Variants in NDST3 observed in about 807,000 individuals in gnomAD.
The protein encoded by NDST3 is N-deacetylase and N-sulfotransferase 3, also known as bifunctional heparan sulfate N-deacetylase/N-sulfotransferase 3.
NDST3 carries 58 observed loss-of-function variants against 96.1 expected under a neutral mutation model. The ratio of observed to expected loss-of-function variants is 0.60; its 90% CI spans 0.49 to 0.75. The LOEUF (loss-of-function observed/expected upper bound fraction) is 0.75, where lower values mean the gene tolerates loss of function less well. Among genes scored for constraint, NDST3 ranks in the 30% least tolerant of loss-of-function variants. The pLI is 0.00. For synonymous variants in NDST3, 333 were observed against 359.7 expected, an observed-to-expected ratio of 0.93 and a Z score of 0.84; for missense variants, 788 against 1,034.2, an observed-to-expected ratio of 0.76 and a Z score of 3.27.
chr4:118,043,241 G>A (rs559969072), intron 1 of NDST3, among the ~76,000 whole-genome samples: 2 of 152,296 alleles, frequency 1.3e-5, no homozygotes, highest in South Asian at 4.1e-4. Context: ...ATAGTTATTT[G>A]TAACTTCAAA....
At chr4:118,155,095 T>C (rs1354645446) in intron 6 of NDST3, among the ~76,000 whole-genome samples, 1 of 152,230 alleles carries the variant, frequency 6.6e-6, no homozygotes, top group Non-Finnish European at 1.5e-5. Context: ...ACTTATAAAA[T>C]GGTAAGACTT....
chr4:118,165,068 G>A (rs1158765572), intron 6 of NDST3, among the ~76,000 whole-genome samples: 2 of 152,048 alleles, frequency 1.3e-5, no homozygotes, highest in Non-Finnish European at 2.9e-5. Flanking sequence ...GTAATAGTAA[G>A]TGCTTCCCTA....
chr4:118,175,846 T>C (rs1024241847), intron 6 of NDST3, among the ~76,000 whole-genome samples: 3 of 152,134 alleles, frequency 2.0e-5, no homozygotes, highest in Non-Finnish European at 1.5e-5. Context: ...GAGAAGAGAC[T>C]TTATGTAAAT....
intron 6 of NDST3, among the ~76,000 whole-genome samples, chr4:118,183,347 C>G (rs1358447740): frequency 5.9e-5 from 9 of 152,112 alleles, no homozygotes; most frequent in Admixed American, 3.3e-4. Context: ...GGTTTCCAGC[C>G]CTTCTCTTCT....
At chr4:118,050,915 C>T (rs954503885) in intron 1 of NDST3, among the ~76,000 whole-genome samples, 5 of 152,118 alleles carry the variant, frequency 3.3e-5, no homozygotes, top group African/African-American at 1.2e-4. Flanking sequence ...ATAGCCAAAG[C>T]AATTCTAAGC....
intron 6 of NDST3, among the ~76,000 whole-genome samples, chr4:118,145,604 C>A (rs1024935114): frequency 6.6e-6 from 1 of 152,122 alleles, no homozygotes; most frequent in South Asian, 2.1e-4. Context: ...TTATGTTAAT[C>A]TTGGACACTA....
At chr4:118,162,944 A>G (rs1213569213) in intron 6 of NDST3, among the ~76,000 whole-genome samples, 1 of 148,852 alleles carries the variant, frequency 6.7e-6, no homozygotes, top group Non-Finnish European at 1.5e-5. Flanking sequence ...GGCAAAGGAC[A>G]TGAACAGACA....
intron 8 of NDST3, 76 bp from the exon 9 acceptor site, chr4:118,232,936 T>C: frequency 3.7e-6 from 5 of 1,357,180 alleles, no homozygotes; most frequent in Non-Finnish European, 5.1e-6. Flanking sequence ...TAATATTTAT[T>C]CATGACTTTA....
intron 6 of NDST3, chr4:118,193,519 T>G (rs975488890): frequency 2.1e-5 from 20 of 969,378 alleles, no homozygotes; most frequent in African/African-American, 8.0e-5. Flanking sequence ...CCTTGTTCTC[T>G]TCCTCAGCCA....
intron 2 of NDST3, among the ~76,000 whole-genome samples, chr4:118,059,585 T>C (rs1000247600): frequency 2.6e-5 from 4 of 152,038 alleles, no homozygotes; most frequent in Admixed American, 1.3e-4. Flanking sequence ...TGTGGGAAGC[T>C]CTAATTGGAA....
intron 2 of NDST3, among the ~76,000 whole-genome samples, chr4:118,098,661 C>T (rs891187545): frequency 2.0e-5 from 3 of 152,042 alleles, no homozygotes; most frequent in African/African-American, 7.2e-5. Context: ...TAACTCTTTT[C>T]TCTGCTTTCA....
chr4:118,174,419 A>G (rs1420590719), intron 6 of NDST3, among the ~76,000 whole-genome samples: 1 of 152,194 alleles, frequency 6.6e-6, no homozygotes, highest in East Asian at 1.9e-4. Flanking sequence ...AAGAGAAATC[A>G]GATCTGATGA....
intron 7 of NDST3, among the ~76,000 whole-genome samples, chr4:118,226,365 T>C (rs987078447): frequency 1.3e-5 from 2 of 152,142 alleles, no homozygotes; most frequent in Admixed American, 6.6e-5. Flanking sequence ...AAAGTTACAT[T>C]TTTAGATATA....
At chr4:118,236,993 C>A in intron 9 of NDST3, 53 bp from the exon 10 acceptor site, 1 of 1,354,638 alleles carries the variant, frequency 7.4e-7, no homozygotes, top group Non-Finnish European at 9.9e-7. Context: ...TCTTTGGTCA[C>A]CAGAATGAGT....
intron 6 of NDST3, among the ~76,000 whole-genome samples, chr4:118,220,901 T>C (rs1189892216): frequency 3.3e-5 from 5 of 152,088 alleles, no homozygotes; most frequent in African/African-American, 1.2e-4. Context: ...TTTGATAACC[T>C]GAGTTAGATC....
At position 118,208,721 on chromosome 4, in the gene NDST3, G is replaced by A. The variant is rs1229652168; in HGVS notation, c.1540-15770G>A. On this transcript the variant is annotated intron_variant, in intron 6 of 13. Coordinates refer to ENST00000296499, the MANE Select transcript of NDST3 (RefSeq NM_004784.3). ...TCTTTACTCTCTACTTAAAGAACTGGGTTTCTGAACCAAATTAGTACTCTC... is the reference window on the plus strand; with the variant it reads ...TCTTTACTCTCTACTTAAAGAACTGAGTTTCTGAACCAAATTAGTACTCTC... 3.5e-5 allele frequency among the ~76,000 whole-genome samples: 5 copies of A among 143,618 alleles called. 1 individual carries two copies. Among genetic ancestry groups the A allele is most frequent in the African/African-American group, 1.3e-4 (5 of 38,984 alleles). 94.2% of individuals were successfully genotyped at this position (143,618 alleles called of 152,430 possible).
At chr4:118,187,892 G>T (rs1442460464) in intron 6 of NDST3, among the ~76,000 whole-genome samples, 2 of 152,164 alleles carry the variant, frequency 1.3e-5, no homozygotes, top group African/African-American at 2.4e-5. Flanking sequence ...AAGTTTTGCT[G>T]CAGTGTGGAT....
intron 3 of NDST3, among the ~76,000 whole-genome samples, chr4:118,110,408 T>C (rs1160823273): frequency 6.6e-6 from 1 of 152,190 alleles, no homozygotes; most frequent in Non-Finnish European, 1.5e-5. Context: ...CTCAGTGAGA[T>C]GGAACAAGTT....
chr4:118,170,643 C>T (rs974521037), intron 6 of NDST3, among the ~76,000 whole-genome samples: 2 of 152,108 alleles, frequency 1.3e-5, no homozygotes, highest in East Asian at 1.9e-4. Flanking sequence ...GCAGAAGAAT[C>T]GCTTGAATCC....
Sources: gnomAD v4.1 joint callset for allele counts (sites outside exome capture counted in the v4.1 genomes callset) on GRCh38, gnomAD v4.1.1 for gene constraint, MANE v1.5 for transcripts, NCBI Gene and HGNC (gene_info 2026-07-23, HGNC 2026-07-21) for gene names.